Variants in NOPCHAP1 observed in about 807,000 individuals in gnomAD.
The protein encoded by NOPCHAP1 is DNA damage-sensitive RNA 1.
NOPCHAP1 carries 13 observed loss-of-function variants against 14.0 expected under a neutral mutation model. The ratio of observed to expected loss-of-function variants is 0.93; its 90% CI spans 0.60 to 1.47. The LOEUF (loss-of-function observed/expected upper bound fraction) is 1.47. NOPCHAP1 is among the 40% of genes most tolerant of loss of function. The pLI is 0.00. For synonymous variants in NOPCHAP1, 78 were observed against 78.4 expected (o/e 1.00, Z 0.03); for missense variants, 230 against 226.9 (o/e 1.01, Z -0.09).
rs774696759 is a variant in NOPCHAP1, at chr12:104,991,855, A to G, written c.339+7A>G. 6.3e-7 allele frequency: 1 copy of G among 1,597,770 alleles called. No individual in the cohort carries two copies. Among genetic ancestry groups the G allele is most frequent in the Non-Finnish European group, 8.5e-7 (1 of 1,174,634 alleles). On this transcript the variant is annotated splice_region_variant and intron_variant, in intron 3 of 3. Transcript: ENST00000552951. ...TAGTAAAGTTATACAAATGGTAACT[A>G]TGCTTTGTTTTCATATGGTGAAATT...
rs1005656358 is a variant in NOPCHAP1, at chr12:105,016,555, C to T, written c.*21859C>T. The T allele has an allele frequency of 2.1e-4, 32 of 152,256 alleles. No individual in the cohort carries two copies. The highest frequency in any genetic ancestry group is 7.0e-4 in the African/African-American group (29 of 41,436). 9.4% of individuals were successfully genotyped at this position (152,256 alleles called of 1,614,324 possible). The stretch of plus-strand genomic sequence containing the variant: ...GTTCCACATGGCTGAGGAGACCTCA[C>T]AATCATGGTAGAGGGTAAAGGGGTA... On this transcript the variant is annotated 3_prime_UTR_variant, in exon 4 of 4. Coordinates refer to ENST00000552951, the MANE Select transcript of NOPCHAP1 (RefSeq NM_152318.3).
intron 3 of NOPCHAP1, 69 bp from the exon 4 acceptor site, chr12:104,994,409 A>T: frequency 1.5e-6 from 2 of 1,360,460 alleles, no homozygotes; most frequent in Admixed American, 1.7e-5. Context: ...GGTTCTTCCC[A>T]ATATTGTTTT....
intron 2 of NOPCHAP1, among the ~76,000 whole-genome samples, chr12:104,991,319 T>C (rs1259085226): frequency 6.6e-6 from 1 of 152,204 alleles, no homozygotes; most frequent in East Asian, 1.9e-4. Context: ...AACCACTACT[T>C]AATTAACTGG....
chr12:104,991,974 A>C, intron 3 of NOPCHAP1, 126 bp downstream of exon 3: 2 of 1,099,198 alleles, frequency 1.8e-6, no homozygotes, highest in Non-Finnish European at 1.2e-6. Flanking sequence ...CCAATGTTGT[A>C]TAGGTACATA....
rs1269513624 is a variant in NOPCHAP1 at position 105,002,305 on chromosome 12, G to A, written c.*7609G>A. The A allele has an allele frequency of 6.6e-6, 1 of 152,032 alleles. No individual in the cohort carries two copies. The highest frequency in any genetic ancestry group is 1.9e-4 in the East Asian group (1 of 5,200). The allele number at this position is 152,032 out of a possible 1,614,324, so 9.4% of individuals were successfully genotyped here. ...CTATTCTCTCAAAATGTTGGGCTAGGGCCACCAATTCAATCATATCTATAA... is the reference window on the plus strand; with the variant it reads ...CTATTCTCTCAAAATGTTGGGCTAGAGCCACCAATTCAATCATATCTATAA... On this transcript the variant is annotated 3_prime_UTR_variant, in exon 4 of 4. Coordinates refer to ENST00000552951, the MANE Select transcript of NOPCHAP1 (RefSeq NM_152318.3).
rs2136028303 is a variant in NOPCHAP1, at chr12:104,996,706, T to A, written c.*2010T>A. 1 of 152,282 alleles carries A rather than the reference T, an allele frequency of 6.6e-6. No homozygotes were observed. The highest frequency in any genetic ancestry group is 6.5e-5 in the Admixed American group (1 of 15,296). 9.4% of individuals were successfully genotyped at this position (152,282 alleles called of 1,614,324 possible). A position where few individuals can be genotyped will look rare whatever the true frequency, so the allele number is the denominator to read the frequency against. On this transcript the variant is annotated 3_prime_UTR_variant, in exon 4 of 4. Coordinates refer to ENST00000552951, the MANE Select transcript of NOPCHAP1 (RefSeq NM_152318.3). Reference sequence around the variant, plus strand: ...GATCTGCCTAATACTGTCAGTGGGGTGTTAAAGTCTCCCACTATTATCTAG... The same window carrying A: ...GATCTGCCTAATACTGTCAGTGGGGAGTTAAAGTCTCCCACTATTATCTAG...
chr12:105,002,948 G>A lies in NOPCHAP1; in HGVS notation c.*8252G>A, dbSNP rs917533130. 1.3e-5 allele frequency: 2 copies of A among 152,172 alleles called. No individual in the cohort carries two copies. Among genetic ancestry groups the A allele is most frequent in the Non-Finnish European group, 2.9e-5 (2 of 68,024 alleles). The allele number at this position is 152,172 out of a possible 1,614,324, so 9.4% of individuals were successfully genotyped here. A position where few individuals can be genotyped will look rare whatever the true frequency, so the allele number is the denominator to read the frequency against. Reference sequence around the variant, plus strand: ...TGCCTTTTCTCATTATCTTTAGAATGAAAGAGTAGTTGAGCAAAAAGGTTA... The same window carrying A: ...TGCCTTTTCTCATTATCTTTAGAATAAAAGAGTAGTTGAGCAAAAAGGTTA... On this transcript the variant is annotated 3_prime_UTR_variant, in exon 4 of 4. Coordinates refer to ENST00000552951, the MANE Select transcript of NOPCHAP1 (RefSeq NM_152318.3).
intron 1 of NOPCHAP1, among the ~76,000 whole-genome samples, chr12:104,986,796 A>G (rs971691203): frequency 6.6e-5 from 10 of 152,110 alleles, no homozygotes; most frequent in Non-Finnish European, 1.5e-4. Context: ...TGGGGAAGGG[A>G]GGGCTTTTGG....
Position 105,008,005 on chromosome 12 carries a change from G to T in NOPCHAP1, c.*13309G>T, listed in dbSNP as rs1273153393. The T allele has an allele frequency of 2.6e-5, 4 of 152,148 alleles. No individual in the cohort carries two copies. Among genetic ancestry groups the T allele is most frequent in the Admixed American group, 2.0e-4 (3 of 15,276 alleles). 9.4% of individuals were successfully genotyped at this position (152,148 alleles called of 1,614,324 possible). ...TAGTAGAATGATTTATAATCCTTTGGATATATACCCAGTAATGGGATTGCT... is the reference window on the plus strand; with the variant it reads ...TAGTAGAATGATTTATAATCCTTTGTATATATACCCAGTAATGGGATTGCT... On this transcript the variant is annotated 3_prime_UTR_variant, in exon 4 of 4. Coordinates refer to ENST00000552951, the MANE Select transcript of NOPCHAP1 (RefSeq NM_152318.3).
chr12:104,993,224 C>T (rs1339459596), intron 3 of NOPCHAP1, among the ~76,000 whole-genome samples: 2 of 152,168 alleles, frequency 1.3e-5, no homozygotes, highest in African/African-American at 4.8e-5. Flanking sequence ...ACAAATGTTT[C>T]TGTAAGAGGT....
At position 105,011,256 on chromosome 12, in the gene NOPCHAP1, T is replaced by C. The variant is rs1234317985; in HGVS notation, c.*16560T>C. On this transcript the variant is annotated 3_prime_UTR_variant, in exon 4 of 4. Transcript: ENST00000552951. ...TGCCCTTCTTTGTCTTTTTTGATCTTTGTTGGTTTAAAGTCTGTTTTATCG... is the reference window on the plus strand; with the variant it reads ...TGCCCTTCTTTGTCTTTTTTGATCTCTGTTGGTTTAAAGTCTGTTTTATCG... 2 of 152,206 alleles carry C rather than the reference T, an allele frequency of 1.3e-5. No individual in the cohort carries two copies. Among genetic ancestry groups the C allele is most frequent in the Non-Finnish European group, 2.9e-5 (2 of 68,034 alleles). The allele number at this position is 152,206 out of a possible 1,614,324, so 9.4% of individuals were successfully genotyped here.
Position 104,994,710 on chromosome 12 carries a change from C to A in NOPCHAP1, c.*14C>A. ...AAAAAGAAATAGTCAAATAAATTAT[C>A]TGAAAAGAAACAGGTGACATATGTC... On this transcript the variant is annotated 3_prime_UTR_variant, in exon 4 of 4. Transcript: ENST00000552951. 6.3e-7 allele frequency: 1 copy of A among 1,587,840 alleles called. No individual in the cohort carries two copies. Among genetic ancestry groups the A allele is most frequent in the Non-Finnish European group, 8.6e-7 (1 of 1,161,662 alleles).
intron 3 of NOPCHAP1, among the ~76,000 whole-genome samples, chr12:104,992,258 G>A (rs559413284): frequency 5.3e-5 from 8 of 152,250 alleles, no homozygotes; most frequent in East Asian, 1.9e-4. Context: ...GTGGAATTCC[G>A]TTTATAATAT....
rs1873538741 is a variant in NOPCHAP1, at chr12:104,998,384, G to C, written c.*3688G>C. The C allele has an allele frequency of 6.6e-6, 1 of 152,136 alleles. No individual in the cohort carries two copies. Among genetic ancestry groups the C allele is most frequent in the Non-Finnish European group, 1.5e-5 (1 of 68,028 alleles). 9.4% of individuals were successfully genotyped at this position (152,136 alleles called of 1,614,324 possible). A position where few individuals can be genotyped will look rare whatever the true frequency, so the allele number is the denominator to read the frequency against. On this transcript the variant is annotated 3_prime_UTR_variant, in exon 4 of 4. Transcript: ENST00000552951. ...TTTATCCTACTTTATGTCCTTGTGT[G>C]TTTAATTGTGGTATAAAGTGGGTTT...
intron 3 of NOPCHAP1, among the ~76,000 whole-genome samples, chr12:104,993,578 A>G (rs1227312118): frequency 2.0e-5 from 3 of 152,232 alleles, no homozygotes; most frequent in Non-Finnish European, 4.4e-5. Flanking sequence ...CAGTTCCAAC[A>G]GAAGGCCCCG....
chr12:104,991,493 G>A (rs1342744494), intron 2 of NOPCHAP1, among the ~76,000 whole-genome samples: 1 of 152,176 alleles, frequency 6.6e-6, no homozygotes, highest in Non-Finnish European at 1.5e-5. Flanking sequence ...CAGTCCTGGG[G>A]ATATATGAGA....
chr12:104,990,494 G>A (rs996692762), intron 2 of NOPCHAP1, among the ~76,000 whole-genome samples: 2 of 152,206 alleles, frequency 1.3e-5, no homozygotes, highest in Non-Finnish European at 2.9e-5. Context: ...CTCTTAGGGA[G>A]TCCTTCCAGC....
chr12:104,992,649 G>T (rs1397993019), intron 3 of NOPCHAP1, among the ~76,000 whole-genome samples: 1 of 152,192 alleles, frequency 6.6e-6, no homozygotes, highest in African/African-American at 2.4e-5. Context: ...TAGGAAGCAG[G>T]TCGCACAGCA....
rs572350583 is a variant in NOPCHAP1 at position 105,012,161 on chromosome 12, T to C, written c.*17465T>C. The C allele has an allele frequency of 3.3e-5, 5 of 152,322 alleles. No individual in the cohort carries two copies. Among genetic ancestry groups the C allele is most frequent in the South Asian group, 4.1e-4 (2 of 4,828 alleles). The allele number at this position is 152,322 out of a possible 1,614,324, so 9.4% of individuals were successfully genotyped here. A position where few individuals can be genotyped will look rare whatever the true frequency, so the allele number is the denominator to read the frequency against. On this transcript the variant is annotated 3_prime_UTR_variant, in exon 4 of 4. Transcript: ENST00000552951. ...GTAGGCTAGGTCTTTTCACATAGTC[T>C]CATATTTCTTGGACGCTTTGTTCCT...
Sources: gnomAD v4.1 joint callset for allele counts (sites outside exome capture counted in the v4.1 genomes callset) on GRCh38, gnomAD v4.1.1 for gene constraint, MANE v1.5 for transcripts, NCBI Gene and HGNC (gene_info 2026-07-23, HGNC 2026-07-21) for gene names.